The following ADAMTSL3 variants were observed in gnomAD, a reference collection of about 807,000 sequenced individuals.
The protein encoded by ADAMTSL3 is ADAMTS like 3.
Under a neutral mutation model 201.7 loss-of-function variants are expected in ADAMTSL3, and 128 were observed. The observed-to-expected ratio is 0.63, with a 90% confidence interval of 0.55 to 0.73. The LOEUF (loss-of-function observed/expected upper bound fraction) is 0.73. Among genes scored for constraint, ADAMTSL3 ranks in the 30% least tolerant of loss-of-function variants. The probability of loss-of-function intolerance (pLI) is 0.00; values close to 1 mark genes in which losing one functional copy is unlikely to be tolerated. For synonymous variants in ADAMTSL3, 738 were observed against 748.4 expected, an observed-to-expected ratio of 0.99 and a Z score of 0.23; for missense variants, 1,990 against 2,119.6, an observed-to-expected ratio of 0.94 and a Z score of 1.20.
chr15:83,820,176 C>T, intron 6 of ADAMTSL3, 129 bp downstream of exon 6: 2 of 731,402 alleles, frequency 2.7e-6, no homozygotes, highest in East Asian at 2.6e-5. Context: ...GGTACGGTGG[C>T]TTACACCTAT....
intron 3 of ADAMTSL3, among the ~76,000 whole-genome samples, chr15:83,713,524 TTC>T (rs1491044986): frequency 6.6e-6 from 1 of 152,178 alleles, no homozygotes. Context: ...TCTTTTTTTT[TTC>T]TCTTATTACA....
At chr15:83,675,924 A>T (rs1004912467) in intron 2 of ADAMTSL3, among the ~76,000 whole-genome samples, 18 of 152,018 alleles carry the variant, frequency 1.2e-4, no homozygotes, top group Admixed American at 7.9e-4. Context: ...TGGTTGCAGG[A>T]TCTGTAGTGA....
intron 6 of ADAMTSL3, among the ~76,000 whole-genome samples, chr15:83,837,446 A>T (rs1241452024): frequency 1.3e-5 from 2 of 151,900 alleles, no homozygotes; most frequent in Non-Finnish European, 2.9e-5. Context: ...AGGGCTGGGG[A>T]GAGAGGAAAC....
intron 6 of ADAMTSL3, among the ~76,000 whole-genome samples, chr15:83,822,404 G>A (rs1488412798): frequency 2.0e-5 from 3 of 149,660 alleles, no homozygotes; most frequent in East Asian, 4.1e-4. Flanking sequence ...CAGACGGGGC[G>A]GTTGCCGGGC....
At chr15:83,825,405 G>T (rs2064000710) in intron 6 of ADAMTSL3, among the ~76,000 whole-genome samples, 1 of 152,178 alleles carries the variant, frequency 6.6e-6, no homozygotes, top group Non-Finnish European at 1.5e-5. Context: ...AAGCCTAGGA[G>T]TTCGAGACCA....
At chr15:84,001,246 G>A (rs2067787405) in intron 23 of ADAMTSL3, among the ~76,000 whole-genome samples, 1 of 152,164 alleles carries the variant, frequency 6.6e-6, no homozygotes, top group South Asian at 2.1e-4. Flanking sequence ...CGAGGCTAGG[G>A]CTAGGGTGTT....
At chr15:84,025,525 T>G (rs1209932289) in intron 27 of ADAMTSL3, 89 bp downstream of exon 27, 1 of 1,304,282 alleles carries the variant, frequency 7.7e-7, no homozygotes. Context: ...TAAACTACTT[T>G]TGGGGCGGGG....
chr15:83,944,890 TC>T (rs1362501148), intron 19 of ADAMTSL3, among the ~76,000 whole-genome samples: 1 of 152,208 alleles, frequency 6.6e-6, no homozygotes, highest in Non-Finnish European at 1.5e-5. Context: ...AGTAGGCTCT[TC>T]CCATTGCCCT....
Position 83,875,332 on chromosome 15 carries a change from C to T in ADAMTSL3, c.960+4373C>T, listed in dbSNP as rs867964629. ...TGTCTCCCAAGAATGGCTCTGCCTT[C>T]AGTACCCTTGCTGTGCTTAGTCACT... is the stretch of plus-strand genomic sequence containing the variant. On this transcript the variant is annotated intron_variant, in intron 9 of 29. Coordinates refer to ENST00000286744, the MANE Select transcript of ADAMTSL3 (RefSeq NM_207517.3). 2.6e-5 allele frequency among the ~76,000 whole-genome samples: 4 copies of T among 152,374 alleles called. 1 individual carries two copies. The Middle Eastern group carries it at 0.014, about 518-fold the overall frequency.
At chr15:83,935,538 A>C (rs2066446086) in intron 17 of ADAMTSL3, among the ~76,000 whole-genome samples, 1 of 77,694 alleles carries the variant, frequency 1.3e-5, no homozygotes, top group Admixed American at 1.6e-4. Context: ...AGTCACAGCA[A>C]ATCCCAAACG....
At chr15:83,979,316 A>G (rs1395951924) in intron 20 of ADAMTSL3, among the ~76,000 whole-genome samples, 1 of 152,232 alleles carries the variant, frequency 6.6e-6, no homozygotes, top group Non-Finnish European at 1.5e-5. Flanking sequence ...AAAACCATCC[A>G]TGTGCACATC....
intron 7 of ADAMTSL3, among the ~76,000 whole-genome samples, chr15:83,856,640 G>A (rs1331929140): frequency 6.6e-6 from 1 of 152,158 alleles, no homozygotes; most frequent in East Asian, 1.9e-4. Flanking sequence ...GGTTTATTGA[G>A]CTGTATGATC....
chr15:83,874,258 GC>G (rs1348855521), intron 9 of ADAMTSL3, among the ~76,000 whole-genome samples: 1 of 145,252 alleles, frequency 6.9e-6, no homozygotes, highest in Non-Finnish European at 1.5e-5. Flanking sequence ...CAGAAAAGGA[GC>G]TTTTGCTCCC....
intron 9 of ADAMTSL3, among the ~76,000 whole-genome samples, chr15:83,877,763 CAAT>C (rs1398094358): frequency 2.0e-5 from 3 of 152,098 alleles, no homozygotes; most frequent in African/African-American, 4.8e-5. Flanking sequence ...AAATTTCTCT[CAAT>C]AATGTTCATA....
At position 83,851,557 on chromosome 15, in the gene ADAMTSL3, G is replaced by A. The variant is rs570483781; in HGVS notation, c.728-7209G>A. Among the ~76,000 whole-genome samples the A allele has an allele frequency of 4.6e-5, 7 of 152,206 alleles. No individual in the cohort carries two copies. The South Asian group carries it at 1.2e-3, about 27-fold the overall frequency. On this transcript the variant is annotated intron_variant, in intron 7 of 29. Transcript: ENST00000286744. ...GCCCAAATAGGTTTTCTTCAGTTCAGTAAAGCTTTCTAATTTATATGTATT... is the reference window on the plus strand; with the variant it reads ...GCCCAAATAGGTTTTCTTCAGTTCAATAAAGCTTTCTAATTTATATGTATT...
At chr15:83,679,963 G>A (rs1456987136) in intron 2 of ADAMTSL3, among the ~76,000 whole-genome samples, 1 of 152,226 alleles carries the variant, frequency 6.6e-6, no homozygotes, top group Non-Finnish European at 1.5e-5. Flanking sequence ...CACCATTGGT[G>A]GGAGGGTAGC....
chr15:83,748,374 A>G (rs2062582436), intron 3 of ADAMTSL3, among the ~76,000 whole-genome samples: 1 of 152,142 alleles, frequency 6.6e-6, no homozygotes. Context: ...CAGGCTGGGC[A>G]TGGTGGCTCA....
intron 7 of ADAMTSL3, among the ~76,000 whole-genome samples, chr15:83,851,952 G>T (rs1225556887): frequency 3.9e-5 from 6 of 152,124 alleles, no homozygotes; most frequent in East Asian, 1.9e-4. Context: ...ATGAATGGTT[G>T]CTTCTATTAA....
chr15:83,866,468 A>T (rs997239962), intron 8 of ADAMTSL3, among the ~76,000 whole-genome samples: 3 of 152,186 alleles, frequency 2.0e-5, no homozygotes, highest in Non-Finnish European at 2.9e-5. Context: ...AGGGACATGG[A>T]TGATGCTGGC....
Sources: gnomAD v4.1 joint callset for allele counts (sites outside exome capture counted in the v4.1 genomes callset) on GRCh38, gnomAD v4.1.1 for gene constraint, MANE v1.5 for transcripts, NCBI Gene and HGNC (gene_info 2026-07-23, HGNC 2026-07-21) for gene names.